The following TTC29 variants were observed in gnomAD, a reference collection of about 807,000 sequenced individuals.
The protein encoded by TTC29 is tetratricopeptide repeat domain 29.
A neutral mutation model predicts 58.1 loss-of-function variants in TTC29; 49 were observed. The observed-to-expected ratio is 0.84, with a 90% CI of 0.67 to 1.07. The LOEUF (loss-of-function observed/expected upper bound fraction) is 1.07, where lower values mean the gene tolerates loss of function less well. Among genes scored for constraint, TTC29 ranks in the 50% least tolerant of loss-of-function variants. TTC29 has a pLI of 0.00. For missense variants in TTC29, 582 were observed against 555.6 expected, an observed-to-expected ratio of 1.05 and a Z score of -0.48; for synonymous variants, 209 against 196.8, an observed-to-expected ratio of 1.06 and a Z score of -0.52.
At chr4:146,887,022 A>G (rs1732031599) in intron 6 of TTC29, among the ~76,000 whole-genome samples, 1 of 152,196 alleles carries the variant, frequency 6.6e-6, no homozygotes, top group Non-Finnish European at 1.5e-5. Context: ...AAACTCATAG[A>G]AGCAATGAAT....
chr4:146,803,326 A>C (rs1750363237), intron 11 of TTC29, 131 bp downstream of exon 11: 1 of 662,564 alleles, frequency 1.5e-6, no homozygotes, highest in Non-Finnish European at 2.6e-6. Flanking sequence ...TTCATGTAGT[A>C]ATGGATCCAT....
intron 4 of TTC29, among the ~76,000 whole-genome samples, chr4:146,933,387 T>C (rs543496100): frequency 1.4e-4 from 21 of 152,366 alleles, no homozygotes; most frequent in African/African-American, 3.4e-4. Context: ...CCTCTAGAAA[T>C]GTTTATTTGA....
intron 11 of TTC29, among the ~76,000 whole-genome samples, chr4:146,726,624 A>G (rs1179758126): frequency 6.6e-6 from 1 of 152,132 alleles, no homozygotes; most frequent in Non-Finnish European, 1.5e-5. Flanking sequence ...TGGTATATAG[A>G]CAGCATATTT....
chr4:146,913,215 C>T (rs1227076180), intron 4 of TTC29, among the ~76,000 whole-genome samples: 1 of 151,534 alleles, frequency 6.6e-6, no homozygotes, highest in Non-Finnish European at 1.5e-5. Flanking sequence ...CATTTGGGGG[C>T]CAAAATGAAG....
rs553462237 is a variant in TTC29 at position 146,867,638 on chromosome 4, C to G, written c.800-55G>C. On this transcript the variant is annotated intron_variant, in intron 7 of 12. Transcript: ENST00000325106. ...GTATTCAATAAATGATTTATTACAA[C>G]AAACAGAATCCTTGCTTTTCAAGAC... 4.9e-6 allele frequency: 4 copies of G among 815,760 alleles called. No homozygotes were observed. In the South Asian group the frequency reaches 7.9e-5, roughly 16 times the overall value. 50.5% of individuals were successfully genotyped at this position (815,760 alleles called of 1,614,324 possible).
chr4:146,760,709 G>T (rs1428764542), intron 11 of TTC29, among the ~76,000 whole-genome samples: 1 of 149,558 alleles, frequency 6.7e-6, no homozygotes, highest in Non-Finnish European at 1.5e-5. Context: ...TTCAACAAAT[G>T]GTGCTGGGAT....
intron 10 of TTC29, among the ~76,000 whole-genome samples, chr4:146,806,715 C>G (rs1478046866): frequency 2.0e-5 from 3 of 151,914 alleles, no homozygotes; most frequent in African/African-American, 7.3e-5. Context: ...GCACCCCATA[C>G]AGGAGCACCC....
At chr4:146,852,861 G>A (rs962795093) in intron 8 of TTC29, among the ~76,000 whole-genome samples, 12 of 151,800 alleles carry the variant, frequency 7.9e-5, no homozygotes, top group African/African-American at 2.7e-4. Context: ...GAATCTATAC[G>A]GCTGTATTTT....
At chr4:146,753,658 T>C (rs1319149516) in intron 11 of TTC29, among the ~76,000 whole-genome samples, 1 of 152,188 alleles carries the variant, frequency 6.6e-6, no homozygotes, top group Non-Finnish European at 1.5e-5. Context: ...CCAACCCAAA[T>C]GTCCAACAAT....
At chr4:146,882,190 T>G (rs1218921143) in intron 6 of TTC29, among the ~76,000 whole-genome samples, 1 of 152,140 alleles carries the variant, frequency 6.6e-6, no homozygotes, top group Non-Finnish European at 1.5e-5. Context: ...TAATTGTTGC[T>G]GCTTATGATT....
chr4:146,721,252 C>T (rs555499332), intron 11 of TTC29, among the ~76,000 whole-genome samples: 17 of 152,202 alleles, frequency 1.1e-4, no homozygotes, highest in East Asian at 3.9e-4. Flanking sequence ...ACAGCTTAAT[C>T]GGTGGGTCAA....
chr4:146,941,614 CAGA>C (rs1286864762), intron 2 of TTC29, among the ~76,000 whole-genome samples: 2 of 152,110 alleles, frequency 1.3e-5, no homozygotes, highest in South Asian at 2.1e-4. Flanking sequence ...TGAGTAAAAG[CAGA>C]AGGAGACAAG....
chr4:146,910,462 C>T (rs1362830680), intron 4 of TTC29, among the ~76,000 whole-genome samples: 17 of 152,004 alleles, frequency 1.1e-4, no homozygotes, highest in Non-Finnish European at 4.4e-5. Context: ...GATTTCTTAT[C>T]CATTGGATCA....
intron 8 of TTC29, among the ~76,000 whole-genome samples, chr4:146,838,528 C>CAT (rs138481104): frequency 0.062 from 9,465 of 151,916 alleles, 402 homozygotes; most frequent in Admixed American, 0.13. Flanking sequence ...TAAGGAGACA[C>CAT]ATAGGAAGAC....
In TTC29 at chr4:146,819,354, ACT is replaced by A. The variant is rs142907965; in HGVS notation, c.1101+769_1101+770del. On this transcript the variant is annotated intron_variant, in intron 10 of 12. Transcript: ENST00000325106. ...GTGATTTTATTCACTACATACACAG[ACT>A]CTGAAAGAGATTAACAGAAAGTGTA... 8.4e-3 allele frequency among the ~76,000 whole-genome samples: 1,283 copies of A among 152,226 alleles called. 11 individuals carry two copies. The highest frequency in any genetic ancestry group is 0.03 in the African/African-American group (1,233 of 41,546).
chr4:146,854,862 C>T (rs1470234833), intron 8 of TTC29, among the ~76,000 whole-genome samples: 1 of 152,198 alleles, frequency 6.6e-6, no homozygotes. Flanking sequence ...TCGAAATGCT[C>T]ACAAAAGAAA....
intron 8 of TTC29, among the ~76,000 whole-genome samples, chr4:146,836,936 T>C (rs12510526): frequency 0.12 from 18,000 of 152,018 alleles, 1,716 homozygotes; most frequent in African/African-American, 0.25. Context: ...AACAGTGTGG[T>C]GATTCCTCAA....
At position 146,859,997 on chromosome 4, in the gene TTC29, G is replaced by T. The variant is rs184365670; in HGVS notation, c.885+7501C>A. On this transcript the variant is annotated intron_variant, in intron 8 of 12. Coordinates refer to ENST00000325106, the MANE Select transcript of TTC29 (RefSeq NM_031956.4). ...CTGAGATTTATTTGGGTTGCATAATGGTTTCAGCAGTAGACAGAAATGTGT... is the reference window on the plus strand; with the variant it reads ...CTGAGATTTATTTGGGTTGCATAATTGTTTCAGCAGTAGACAGAAATGTGT... Among the ~76,000 whole-genome samples the T allele has an allele frequency of 1.5e-3, 224 of 152,204 alleles. 4 individuals are homozygous for T. Among genetic ancestry groups the T allele is most frequent in the Admixed American group, 0.015 (222 of 15,270 alleles).
At chr4:146,863,070 C>A (rs1443274998) in intron 8 of TTC29, among the ~76,000 whole-genome samples, 4 of 149,868 alleles carry the variant, frequency 2.7e-5, no homozygotes, top group Admixed American at 6.7e-5. Context: ...TGCAGGGAAC[C>A]GAGATCGTGC....
Sources: gnomAD v4.1 joint callset for allele counts (sites outside exome capture counted in the v4.1 genomes callset) on GRCh38, gnomAD v4.1.1 for gene constraint, MANE v1.5 for transcripts, NCBI Gene and HGNC (gene_info 2026-07-23, HGNC 2026-07-21) for gene names.